The following JAK1 variants were observed in gnomAD, a reference collection of about 807,000 sequenced individuals.
The protein encoded by JAK1 is tyrosine-protein kinase JAK1.
Under a neutral mutation model 136.6 loss-of-function variants are expected in JAK1, and 16 were observed. The ratio of observed to expected loss-of-function variants is 0.12; its 90% CI spans 0.08 to 0.18. JAK1 has a LOEUF of 0.18. JAK1 is among the 10% of genes least tolerant of loss of function. JAK1 has a pLI of 1.00. For synonymous variants in JAK1, 492 were observed against 519.5 expected (o/e 0.95, Z 0.72); for missense variants, 859 against 1,450.1 (o/e 0.59, Z 6.62).
At chr1:64,868,595 T>G (rs1656859898) in intron 6 of JAK1, among the ~76,000 whole-genome samples, 1 of 152,148 alleles carries the variant, frequency 6.6e-6, no homozygotes, top group African/African-American at 2.4e-5. Context: ...TGTGATCTGC[T>G]CTAGACTCTG....
intron 2 of JAK1, among the ~76,000 whole-genome samples, chr1:65,035,542 G>A (rs573366571): frequency 6.6e-6 from 1 of 152,292 alleles, no homozygotes; most frequent in South Asian, 2.1e-4. Flanking sequence ...CTACTCTCCT[G>A]TAAAATAAGG....
intron 1 of JAK1, among the ~76,000 whole-genome samples, chr1:64,929,823 C>A (rs1207271142): frequency 6.6e-6 from 1 of 152,106 alleles, no homozygotes; most frequent in Non-Finnish European, 1.5e-5. Flanking sequence ...GGTACTATTA[C>A]CAAAACAGAC....
chr1:64,966,690 G>C (rs1460921125), upstream of JAK1, among the ~76,000 whole-genome samples: 1 of 148,956 alleles, frequency 6.7e-6, no homozygotes, highest in East Asian at 2.1e-4. Context: ...CTGCGCCTCC[G>C]GCCTACCCGC....
chr1:64,853,768 T>C (rs1243622525), intron 11 of JAK1, among the ~76,000 whole-genome samples: 5 of 98,268 alleles, frequency 5.1e-5, no homozygotes, highest in Admixed American at 1.1e-4. Flanking sequence ...CAGCTCCTGC[T>C]ACCTGTTCAC....
At chr1:65,053,458 A>G (rs777004473) in intron 1 of JAK1, among the ~76,000 whole-genome samples, 3 of 152,244 alleles carry the variant, frequency 2.0e-5, no homozygotes, top group Non-Finnish European at 4.4e-5. Context: ...GCAGAGTTTT[A>G]AAGAAGCAAT....
In JAK1 at chr1:64,984,249, C is replaced by T. The variant is rs1158687717; in HGVS notation, c.-78+60231G>A. On this transcript the variant is annotated intron_variant, in intron 2 of 25. Coordinates refer to the JAK1 transcript ENST00000671954. This position sits in a 1 kb window ranked among gnomAD's most constrained non-coding sequence, Gnocchi z 4.1. ...CCTTCCCACAGTGTGTGTGTATCTG[C>T]TTCCTGGTAAGTCTGCGGTTGGGGG... Among the ~76,000 whole-genome samples the T allele has an allele frequency of 6.6e-6, 1 of 152,114 alleles. No homozygotes were observed. Among genetic ancestry groups the T allele is most frequent in the African/African-American group, 2.4e-5 (1 of 41,396 alleles).
chr1:64,919,152 G>A (rs756403113), intron 1 of JAK1, among the ~76,000 whole-genome samples: 8 of 152,124 alleles, frequency 5.3e-5, no homozygotes, highest in Non-Finnish European at 8.8e-5. Context: ...ATCTCCTAAC[G>A]CTATCCCTCC....
chr1:64,966,154 A>ATCCCCGCCT (rs1255102460), intron 1 of JAK1, among the ~76,000 whole-genome samples, 179 bp downstream of exon 1: 2 of 151,272 alleles, frequency 1.3e-5, no homozygotes, highest in Non-Finnish European at 3.0e-5. Flanking sequence ...GGGGCTGGAA[A>ATCCCCGCCT]TCCCCGCCTT....
At chr1:64,881,253 C>A (rs1570697386) in intron 3 of JAK1, among the ~76,000 whole-genome samples, 1 of 129,352 alleles carries the variant, frequency 7.7e-6, no homozygotes, top group Admixed American at 8.1e-5. Context: ...CAGAGCAAGA[C>A]CCCATCTCTA....
At chr1:64,835,022 T>C (rs1417963423) in intron 24 of JAK1, among the ~76,000 whole-genome samples, 3 of 152,200 alleles carry the variant, frequency 2.0e-5, no homozygotes, top group African/African-American at 7.2e-5. Context: ...GAGTTTAGTA[T>C]TAAAGGCTCA....
chr1:64,925,116 G>C (rs1437673893), intron 1 of JAK1, among the ~76,000 whole-genome samples: 1 of 152,096 alleles, frequency 6.6e-6, no homozygotes, highest in Non-Finnish European at 1.5e-5. Flanking sequence ...TTTGCTCTAG[G>C]CTGGGCGCAG....
rs566884538 is a variant in JAK1, at chr1:64,923,405, T to C, written c.-77-37064A>G. On this transcript the variant is annotated intron_variant, in intron 1 of 24. Transcript: ENST00000342505. Reference sequence around the variant, plus strand: ...ACACAATGCCATTTAATTAGAATTGTGCATGCTTGAAAATACAAAAATCAC... The same window carrying C: ...ACACAATGCCATTTAATTAGAATTGCGCATGCTTGAAAATACAAAAATCAC... Among the ~76,000 whole-genome samples the C allele has an allele frequency of 4.6e-5, 7 of 152,316 alleles. No individual in the cohort carries two copies. In the South Asian group the frequency reaches 1.2e-3, roughly 27 times the overall value.
chr1:65,065,760 A>T (rs553003431), intron 1 of JAK1, among the ~76,000 whole-genome samples: 1 of 150,832 alleles, frequency 6.6e-6, no homozygotes. Context: ...CAGGCTGCTT[A>T]GGCCTGGCTC....
chr1:65,012,547 G>A (rs1391479674), intron 2 of JAK1, among the ~76,000 whole-genome samples: 1 of 152,176 alleles, frequency 6.6e-6, no homozygotes, highest in African/African-American at 2.4e-5. Context: ...GGTATACTGA[G>A]TACTGAAGCC....
chr1:65,038,196 TTC>T (rs1188365728), intron 2 of JAK1, among the ~76,000 whole-genome samples: 17 of 147,418 alleles, frequency 1.2e-4, no homozygotes, highest in South Asian at 2.2e-4. Flanking sequence ...CTTTTTTCTT[TTC>T]TTTTTTTTTT....
intron 4 of JAK1, among the ~76,000 whole-genome samples, chr1:64,878,559 GTGTATATATA>G (rs1445843054): frequency 0.054 from 4,268 of 78,944 alleles, 147 homozygotes; most frequent in African/African-American, 0.13. Flanking sequence ...TATATATAGT[GTGTATATATA>G]TATATATATA....
rs570936686 is a variant in JAK1, at chr1:64,940,902, C to T, written c.-78+25431G>A. ...TTGGCCAGGCGCAGTCAGTCACTCA[C>T]GCTTGTAATCTCAGCATTTTGGGAG... On this transcript the variant is annotated intron_variant, in intron 1 of 24. Transcript: ENST00000342505. Among the ~76,000 whole-genome samples the T allele has an allele frequency of 1.2e-4, 19 of 152,242 alleles. No individual in the cohort carries two copies. In the South Asian group the frequency reaches 1.4e-3, roughly 12 times the overall value.
chr1:64,899,055 C>A (rs1353458017), intron 1 of JAK1, among the ~76,000 whole-genome samples: 7 of 152,164 alleles, frequency 4.6e-5, no homozygotes, highest in Admixed American at 4.6e-4. Flanking sequence ...TAATTATATA[C>A]TTTTTACAAT....
At chr1:64,933,719 C>T (rs1645738321) in intron 1 of JAK1, among the ~76,000 whole-genome samples, 2 of 152,284 alleles carry the variant, frequency 1.3e-5, no homozygotes, top group African/African-American at 4.8e-5. Context: ...GACTACATGA[C>T]AAAGATGTAG....
Sources: gnomAD v4.1 joint callset for allele counts (sites outside exome capture counted in the v4.1 genomes callset) on GRCh38, gnomAD v4.1.1 for gene constraint, Gnocchi (gnomAD v3.1) non-coding constraint, MANE v1.5 for transcripts, NCBI Gene and HGNC (gene_info 2026-07-23, HGNC 2026-07-21) for gene names.